Variants in PASD1 observed in about 807,000 individuals in gnomAD.
PASD1 encodes the protein PAS domain containing repressor 1.
Under a neutral mutation model 58.8 loss-of-function variants are expected in PASD1, and 13 were observed. The ratio of observed to expected loss-of-function variants is 0.22; its 90% confidence interval spans 0.14 to 0.35. PASD1 has a LOEUF of 0.35. Among genes scored for constraint, PASD1 ranks in the 10% least tolerant of loss-of-function variants. The probability of loss-of-function intolerance (pLI) is 1.00; values close to 1 mark genes in which losing one functional copy is unlikely to be tolerated. For missense variants in PASD1, 734 were observed against 568.3 expected (o/e 1.29, Z -2.96); for synonymous variants, 236 against 216.7 (o/e 1.09, Z -0.78).
intron 9 of PASD1, 113 bp from the exon 10 acceptor site, chrX:151,659,600 C>A: frequency 1.4e-6 from 1 of 713,796 alleles, no homozygotes. Context: ...TTGATTGCAG[C>A]AGTGTTAGAA....
chrX:151,632,111 G>A (rs924632959), intron 8 of PASD1, among the ~76,000 whole-genome samples: 3 of 110,568 alleles, frequency 2.7e-5, no homozygotes, highest in Non-Finnish European at 5.7e-5. Flanking sequence ...GAGATGATGA[G>A]GGCCAAGGGA....
At chrX:151,570,117 G>A (rs750661760) in intron 1 of PASD1, among the ~76,000 whole-genome samples, 1 of 111,355 alleles carries the variant, frequency 9.0e-6, no homozygotes, top group South Asian at 3.9e-4. Flanking sequence ...CAGTAGGGTA[G>A]GATTCAGGAG....
Position 151,623,066 on chromosome X carries a change from T to C in PASD1, c.546+2T>C, listed in dbSNP as rs1197202279. 8.3e-7 allele frequency: 1 copy of C among 1,208,271 alleles called. No individual in the cohort carries two copies. Among genetic ancestry groups the C allele is most frequent in the East Asian group, 3.0e-5 (1 of 33,802 alleles). On this transcript the variant is annotated splice_donor_variant, in intron 7 of 15. Coordinates refer to ENST00000370357, the MANE Select transcript of PASD1 (RefSeq NM_173493.3). LOFTEE classifies it high-confidence loss of function. Reference sequence around the variant, plus strand: ...ATTCTCAGGACTCAGCTCCTGCAGGTGGGTATACTGTGTTTGTGCTTCCCC... The same window carrying C: ...ATTCTCAGGACTCAGCTCCTGCAGGCGGGTATACTGTGTTTGTGCTTCCCC...
chrX:151,617,574 A>G (rs12115918), intron 4 of PASD1, among the ~76,000 whole-genome samples: 7,721 of 100,471 alleles, frequency 0.077, 249 homozygotes, highest in African/African-American at 0.12. Context: ...CTACTAGACT[A>G]TGTGCTCATT....
chrX:151,670,214 G>A (rs961946267), intron 11 of PASD1, among the ~76,000 whole-genome samples: 2 of 111,715 alleles, frequency 1.8e-5, no homozygotes, highest in South Asian at 7.6e-4. Flanking sequence ...CTTCTGCACA[G>A]CTGCCAGAAG....
intron 12 of PASD1, 24 bp from the exon 13 acceptor site, chrX:151,671,549 C>T (rs942593089): frequency 2.5e-6 from 3 of 1,200,324 alleles, no homozygotes; most frequent in African/African-American, 1.8e-5. Flanking sequence ...TGAATAAGAC[C>T]TTTGTGATAC....
chrX:151,602,955 C>T (rs983611877), intron 2 of PASD1, among the ~76,000 whole-genome samples: 16 of 112,152 alleles, frequency 1.4e-4, no homozygotes, highest in African/African-American at 4.9e-4. Flanking sequence ...GGTTTGGTCC[C>T]GTGTCTTCAC....
chrX:151,628,185 G>A (rs1440679446), intron 8 of PASD1, among the ~76,000 whole-genome samples: 1 of 110,934 alleles, frequency 9.0e-6, no homozygotes. Context: ...AGTTTCTTTT[G>A]CTGTGCAGAA....
chrX:151,637,737 C>T (rs898817540), intron 8 of PASD1, among the ~76,000 whole-genome samples: 2 of 111,798 alleles, frequency 1.8e-5, no homozygotes, highest in African/African-American at 6.5e-5. Flanking sequence ...ATTTTAGCCA[C>T]TAATAGGCAC....
chrX:151,628,169 G>A (rs1326522347), intron 8 of PASD1, among the ~76,000 whole-genome samples: 3 of 111,110 alleles, frequency 2.7e-5, no homozygotes, highest in African/African-American at 9.8e-5. Flanking sequence ...TGTTCACTCT[G>A]ATGGTAGTTT....
At chrX:151,652,693 A>G (rs1218826328) in intron 9 of PASD1, among the ~76,000 whole-genome samples, 13 of 111,431 alleles carry the variant, frequency 1.2e-4, no homozygotes, top group African/African-American at 4.2e-4. Flanking sequence ...ATGACTTGAA[A>G]AAGGTGAGAA....
intron 1 of PASD1, among the ~76,000 whole-genome samples, chrX:151,570,839 A>G (rs150899573): frequency 0.011 from 1,222 of 112,456 alleles, 16 homozygotes; most frequent in African/African-American, 0.037. Flanking sequence ...TGGTTGATTC[A>G]TTCTTTTACT....
chrX:151,670,185 G>C (rs780815789), intron 11 of PASD1, among the ~76,000 whole-genome samples: 10 of 111,482 alleles, frequency 9.0e-5, no homozygotes, highest in Non-Finnish European at 5.6e-5. Context: ...TCCACGCTTC[G>C]TTTCTCCCAC....
Position 151,610,390 on chromosome X carries a change from A to G in PASD1, c.118-1274A>G, listed in dbSNP as rs530999663. Among the ~76,000 whole-genome samples the G allele has an allele frequency of 4.5e-5, 5 of 111,186 alleles. No individual in the cohort carries two copies. In the South Asian group the frequency reaches 1.5e-3, roughly 34 times the overall value. ...TCATCTATAGACATTTTGTTTGATT[A>G]TGTTTTATATCTCACGAGTCAGTTT... On this transcript the variant is annotated intron_variant, in intron 3 of 15. Transcript: ENST00000370357.
chrX:151,644,928 T>A (rs911018451), intron 8 of PASD1, among the ~76,000 whole-genome samples: 1 of 110,759 alleles, frequency 9.0e-6, no homozygotes, highest in Non-Finnish European at 1.9e-5. Flanking sequence ...CAGGCTTAAT[T>A]CCCAGGGAGC....
intron 1 of PASD1, among the ~76,000 whole-genome samples, chrX:151,569,109 T>C (rs763171274): frequency 2.7e-5 from 3 of 111,808 alleles, no homozygotes; most frequent in African/African-American, 9.8e-5. Flanking sequence ...GGCAAGTATA[T>C]TTTGTTGGCT....
chrX:151,632,164 G>C (rs750850704), intron 8 of PASD1, among the ~76,000 whole-genome samples: 1 of 110,454 alleles, frequency 9.1e-6, no homozygotes, highest in African/African-American at 3.3e-5. Flanking sequence ...ATGTTATTGG[G>C]GGGAAGTTAA....
At position 151,675,989 on chromosome X, in the gene PASD1, C is replaced by G; in HGVS notation, c.2176-8C>G. ...AACATTCCACCTTGTTTCACTTTTT[C>G]CTGGCAGGTGCAAGTTTCTGAGGTA... On this transcript the variant is annotated splice_region_variant and splice_polypyrimidine_tract_variant and intron_variant, in intron 15 of 15. Transcript: ENST00000370357. 8.3e-7 allele frequency: 1 copy of G among 1,208,693 alleles called. No homozygotes were observed. Among genetic ancestry groups the G allele is most frequent in the South Asian group, 1.8e-5 (1 of 56,217 alleles).
In PASD1 at chrX:151,676,150, T is replaced by G. The variant is rs775533742; in HGVS notation, c.*7T>G. 3 of 1,203,160 alleles carry G rather than the reference T, an allele frequency of 2.5e-6. No homozygotes were observed. Among genetic ancestry groups the G allele is most frequent in the Non-Finnish European group, 3.4e-6 (3 of 891,242 alleles). On this transcript the variant is annotated 3_prime_UTR_variant, in exon 16 of 16. Coordinates refer to ENST00000370357, the MANE Select transcript of PASD1 (RefSeq NM_173493.3). ...CTCAAATAAGCCGTGCTAACAGTAC[T>G]TTCATGACCAGTGATGAGGGGAAAT...
Sources: gnomAD v4.1 joint callset for allele counts (sites outside exome capture counted in the v4.1 genomes callset) on GRCh38, gnomAD v4.1.1 for gene constraint, MANE v1.5 for transcripts, NCBI Gene and HGNC (gene_info 2026-07-23, HGNC 2026-07-21) for gene names.